The following CDCA2 variants were observed in gnomAD, a reference collection of about 807,000 sequenced individuals.
The protein encoded by CDCA2 is cell division cycle associated 2, also known as cell division cycle-associated protein 2.
CDCA2 carries 44 observed loss-of-function variants against 67.0 expected under a neutral mutation model. The observed-to-expected ratio is 0.66, with a 90% CI of 0.52 to 0.84. CDCA2 has a LOEUF of 0.84. CDCA2 is among the 40% of genes least tolerant of loss of function. CDCA2 has a pLI of 0.00. For synonymous variants in CDCA2, 447 were observed against 418.7 expected (o/e 1.07, Z -0.82); for missense variants, 1,253 against 1,203.2 (o/e 1.04, Z -0.61).
At chr8:25,469,818 T>C in intron 6 of CDCA2, 78 bp from the exon 7 acceptor site, 1 of 826,288 alleles carries the variant, frequency 1.2e-6, no homozygotes, top group Non-Finnish European at 2.0e-6. Flanking sequence ...CAATCCATAA[T>C]GTTTACTCAA....
intron 5 of CDCA2, among the ~76,000 whole-genome samples, chr8:25,467,178 C>T (rs778989008): frequency 4.0e-5 from 6 of 150,546 alleles, no homozygotes; most frequent in Middle Eastern, 3.5e-3. Flanking sequence ...CCCCCAATCA[C>T]GAAGCATTTC....
chr8:25,503,071 C>T (rs1804535715), intron 13 of CDCA2, among the ~76,000 whole-genome samples: 1 of 152,144 alleles, frequency 6.6e-6, no homozygotes, highest in Non-Finnish European at 1.5e-5. Context: ...CTCTTGAGCT[C>T]AGGAATTTGT....
chr8:25,485,652 G>T, intron 10 of CDCA2, 107 bp from the exon 11 acceptor site: 1 of 568,292 alleles, frequency 1.8e-6, no homozygotes. Flanking sequence ...CCATCTTTAT[G>T]CTTATTATAG....
At chr8:25,464,210 T>A (rs889709294) in intron 4 of CDCA2, among the ~76,000 whole-genome samples, 4 of 152,310 alleles carry the variant, frequency 2.6e-5, no homozygotes, top group South Asian at 4.1e-4. Context: ...AGCCAGGAGT[T>A]TGAGACCAGC....
At chr8:25,474,095 C>T (rs983063867) in intron 7 of CDCA2, among the ~76,000 whole-genome samples, 2 of 152,154 alleles carry the variant, frequency 1.3e-5, no homozygotes, top group African/African-American at 4.8e-5. Context: ...TGTCATGTAT[C>T]ACATAGATTT....
At chr8:25,470,676 T>C (rs1273484669) in intron 7 of CDCA2, among the ~76,000 whole-genome samples, 1 of 152,186 alleles carries the variant, frequency 6.6e-6, no homozygotes, top group African/African-American at 2.4e-5. Flanking sequence ...AGCCATGGCT[T>C]TTATGATCCT....
chr8:25,466,217 C>T lies in CDCA2; in HGVS notation c.430C>T (p.Arg144Ter), dbSNP rs1452437180. The T allele has an allele frequency of 1.7e-5, 27 of 1,610,976 alleles. No homozygotes were observed. Among genetic ancestry groups the T allele is most frequent in the East Asian group, 2.2e-5 (1 of 44,784 alleles). ...TCGAAATGTTAACACTTTAAGAGAACGAATATCAGCCTTCCAGTCAGCTTT... is the reference window on the plus strand; with the variant it reads ...TCGAAATGTTAACACTTTAAGAGAATGAATATCAGCCTTCCAGTCAGCTTT... Reference protein sequence around the residue: ...LYRNVNTLRERISAFQSAFHS... With the variant: ...LYRNVNTLRE Residue 144 changes from arginine (R) to a stop codon, truncating the protein, a stop_gained, in exon 5 of 15, where the codon CGA becomes TGA. Transcript: ENST00000330560. LOFTEE classifies it high-confidence loss of function.
chr8:25,476,923 C>G (rs1204135819), intron 7 of CDCA2, among the ~76,000 whole-genome samples: 1 of 152,118 alleles, frequency 6.6e-6, no homozygotes, highest in Non-Finnish European at 1.5e-5. Flanking sequence ...TCTGAGTTGT[C>G]TCCTCTCTTT....
chr8:25,503,464 C>T lies in CDCA2; in HGVS notation c.1763C>T (p.Pro588Leu). 1 of 1,613,494 alleles carries T rather than the reference C, an allele frequency of 6.2e-7. No homozygotes were observed. Among genetic ancestry groups the T allele is most frequent in the East Asian group, 2.2e-5 (1 of 44,858 alleles). Residue 588 changes from proline (P) to leucine (L), a missense_variant, in exon 14 of 15, where the codon CCC becomes CTC. Pro to Leu is a moderately conservative substitution (Grantham distance 98, BLOSUM62 -3). Transcript: ENST00000330560. The stretch of plus-strand genomic sequence containing the variant: ...GAAAGAGACATTGCTTCTAAGAAGC[C>T]CCTCCTCAGTCCTATTCCCGAGCTG... Reference protein sequence around the residue: ...YGERDIASKKPLLSPIPELPE... With the variant: ...YGERDIASKKLLLSPIPELPE...
intron 6 of CDCA2, 119 bp downstream of exon 6, chr8:25,468,532 GGTGTGTGTGT>G (rs3841182): frequency 1.9e-5 from 8 of 424,190 alleles, no homozygotes; most frequent in African/African-American, 8.3e-5. Context: ...TGGTTCCTGG[GGTGTGTGTGT>G]GTGTGTGTGT....
At chr8:25,483,922 A>G in intron 9 of CDCA2, 44 bp from the exon 10 acceptor site, 1 of 1,538,996 alleles carries the variant, frequency 6.5e-7, no homozygotes, top group Non-Finnish European at 8.9e-7. Flanking sequence ...GATAAGAAAT[A>G]TAGCTTAATT....
Position 25,468,231 on chromosome 8 carries a change from C to T in CDCA2, c.553C>T (p.Leu185Phe). 6.3e-7 allele frequency: 1 copy of T among 1,599,122 alleles called. No individual in the cohort carries two copies. ...EMTDLTRKEG[L>F]SACQQSGFPA... ...TGTGTTTATAGCCAGAAAGGAAGGT[C>T]TCAGCGCTTGCCAGCAGTCTGGGTT... Residue 185 changes from leucine to phenylalanine, a missense_variant, in exon 6 of 15, where the codon CTC (leucine) becomes TTC (phenylalanine). Leu to Phe is a conservative substitution (Grantham distance 22). Transcript: ENST00000330560.
At chr8:25,504,232 C>T (rs1176811027) in intron 14 of CDCA2, among the ~76,000 whole-genome samples, 11 of 151,182 alleles carry the variant, frequency 7.3e-5, no homozygotes, top group South Asian at 2.1e-4. Flanking sequence ...GGAATTGTTT[C>T]TGGTTTCTAA....
At chr8:25,466,552 G>A (rs183856473) in intron 5 of CDCA2, among the ~76,000 whole-genome samples, 2 of 152,050 alleles carry the variant, frequency 1.3e-5, no homozygotes, top group African/African-American at 4.8e-5. Flanking sequence ...TTTCCGCATG[G>A]TTGCAATTAA....
chr8:25,506,227 G>C (rs1804671416), intron 14 of CDCA2, among the ~76,000 whole-genome samples: 2 of 152,216 alleles, frequency 1.3e-5, no homozygotes, highest in South Asian at 4.1e-4. Context: ...AAGGGTGTTA[G>C]AATGGAGGAA....
Position 25,460,269 on chromosome 8 carries a change from T to A in CDCA2, c.30T>A (p.Pro10=). 1 of 1,614,176 alleles carries A rather than the reference T, an allele frequency of 6.2e-7. No homozygotes were observed. The highest frequency in any genetic ancestry group is 1.1e-5 in the South Asian group (1 of 91,080). ...ATGCCAATTCAAAAGACAAGCCCCC[T>A]GAAACCAAGGAGTCTGCAATGAATA... MDANSKDKP[P]ETKESAMNNA... The change falls in exon 2 of 15, where the codon CCT becomes CCA. Residue 10 remains proline, a synonymous_variant. Coordinates refer to ENST00000330560, the MANE Select transcript of CDCA2 (RefSeq NM_152562.4).
intron 8 of CDCA2, among the ~76,000 whole-genome samples, chr8:25,481,233 C>CAAAA (rs11438950): frequency 2.3e-5 from 3 of 128,760 alleles, no homozygotes; most frequent in Non-Finnish European, 4.8e-5. Context: ...CAGTCTGGGA[C>CAAAA]AAAAAAAAAA....
chr8:25,503,753 G>T (rs1372403235), intron 14 of CDCA2, among the ~76,000 whole-genome samples: 2 of 152,212 alleles, frequency 1.3e-5, no homozygotes, highest in African/African-American at 4.8e-5. Flanking sequence ...TTCAGAATCT[G>T]ATGGAAACTG....
intron 13 of CDCA2, among the ~76,000 whole-genome samples, chr8:25,498,453 A>ACCCCCCCCCCCCCCCCCCCTCCC (rs60633246): frequency 1.3e-5 from 1 of 76,612 alleles, no homozygotes; most frequent in African/African-American, 4.4e-5. Context: ...GGTAATCTGC[A>ACCCCCCCCCCCCCCCCCCCTCCC]CCCCCCCCCC....
Sources: gnomAD v4.1 joint callset for allele counts (sites outside exome capture counted in the v4.1 genomes callset) on GRCh38, gnomAD v4.1.1 for gene constraint, MANE v1.5 for transcripts, NCBI Gene and HGNC (gene_info 2026-07-23, HGNC 2026-07-21) for gene names.